The following PPP3R1 variants were observed in gnomAD, a reference collection of about 807,000 sequenced individuals.
The protein encoded by PPP3R1 is calcineurin subunit B type 1.
Under a neutral mutation model 22.6 loss-of-function variants are expected in PPP3R1, and 5 were observed. The observed-to-expected ratio is 0.22, with a 90% CI of 0.12 to 0.46. The LOEUF (loss-of-function observed/expected upper bound fraction) is 0.46, where lower values mean the gene tolerates loss of function less well. PPP3R1 is among the 20% of genes least tolerant of loss of function. PPP3R1 has a pLI of 0.99. For synonymous variants in PPP3R1, 56 were observed against 65.2 expected (o/e 0.86, Z 0.68); for missense variants, 61 against 203.2 (o/e 0.30, Z 4.25).
Position 68,180,999 on chromosome 2 carries a change from G to A in PPP3R1, c.477C>T (p.Gly159=). The A allele has an allele frequency of 1.2e-6, 2 of 1,613,350 alleles. No homozygotes were observed. The highest frequency in any genetic ancestry group is 1.7e-6 in the Non-Finnish European group (2 of 1,179,392). The change falls in exon 6 of 6, where the codon GGC becomes GGT. Residue 159 remains glycine, a synonymous_variant. Transcript: ENST00000234310. ...CCACCATCTTTTTGTGGATATCTAG[G>A]CCACCTACAACCTGCAACAGACAGG... The part of the protein sequence containing the change: ...SFEEFCAVVG[G]LDIHKKMVVD...
chr2:68,198,259 ATACATACATATGTG>A (rs1362624453), intron 2 of PPP3R1, among the ~76,000 whole-genome samples: 1 of 146,828 alleles, frequency 6.8e-6, no homozygotes, highest in African/African-American at 2.5e-5. Flanking sequence ...ATACATATGT[ATACATACATATGTG>A]TATGCATGTA....
chr2:68,186,390 G>A (rs1674547096), intron 5 of PPP3R1, 78 bp downstream of exon 5: 1 of 1,368,676 alleles, frequency 7.3e-7, no homozygotes, highest in South Asian at 1.5e-5. Flanking sequence ...GACAAAATAT[G>A]GAAATTCTCT....
Position 68,202,792 on chromosome 2 carries a change from A to ATTTTTTTTTTTTTTTTT in PPP3R1, c.44-14119_44-14103dup, listed in dbSNP as rs71395958. On this transcript the variant is annotated intron_variant, in intron 2 of 5. Transcript: ENST00000234310. ...TAATATATACTAGAGAGTTCAGGGA[A>ATTTTTTTTTTTTTTTTT]TTTTTTTTTTTTTTTTTTTTTTTTT... Among the ~76,000 whole-genome samples, 20 of 81,212 alleles carry ATTTTTTTTTTTTTTTTT rather than the reference A, an allele frequency of 2.5e-4. 3 individuals are homozygous for ATTTTTTTTTTTTTTTTT. The highest frequency in any genetic ancestry group is 1.2e-3 in the African/African-American group (19 of 16,166). The allele number at this position is 81,212 out of a possible 152,430, so 53.3% of individuals were successfully genotyped here. A position where few individuals can be genotyped will look rare whatever the true frequency, so the allele number is the denominator to read the frequency against.
At position 68,217,021 on chromosome 2, in the gene PPP3R1, C is replaced by CAA; in HGVS notation, c.43+70_43+71insTT. Reference sequence around the variant, plus strand: ...ATTACAGAGGTATGATACACACACACACACACACACACACACACAGAGAGA... The same window carrying CAA: ...ATTACAGAGGTATGATACACACACACAAACACACACACACACACACAGAGAGA... On this transcript the variant is annotated intron_variant, in intron 2 of 5. Transcript: ENST00000234310. 4 of 1,072,760 alleles carry CAA rather than the reference C, an allele frequency of 3.7e-6. No individual in the cohort carries two copies. In the South Asian group the frequency reaches 4.5e-5, roughly 12 times the overall value. 66.5% of individuals were successfully genotyped at this position (1,072,760 alleles called of 1,614,324 possible).
At position 68,185,036 on chromosome 2, in the gene PPP3R1, T is replaced by C. The variant is rs546353022; in HGVS notation, c.465+1432A>G. On this transcript the variant is annotated intron_variant, in intron 5 of 5. Coordinates refer to ENST00000234310, the MANE Select transcript of PPP3R1 (RefSeq NM_000945.4). ...AAGATCGAGACCATCCTGGCCAACA[T>C]GGTGAAACTCCATCTCTATTAAAAA... Among the ~76,000 whole-genome samples, 600 of 152,118 alleles carry C rather than the reference T, an allele frequency of 3.9e-3. 2 individuals carry two copies. The highest frequency in any genetic ancestry group is 7.0e-3 in the Non-Finnish European group (473 of 67,968).
At chr2:68,240,204 G>A (rs1254128044) in intron 1 of PPP3R1, among the ~76,000 whole-genome samples, 4 of 152,086 alleles carry the variant, frequency 2.6e-5, no homozygotes, top group African/African-American at 7.2e-5. Flanking sequence ...TCAGTCAATC[G>A]CAGGCAACCA....
intron 1 of PPP3R1, among the ~76,000 whole-genome samples, chr2:68,239,886 AC>A (rs1302039343): frequency 6.6e-6 from 1 of 152,194 alleles, no homozygotes; most frequent in African/African-American, 2.4e-5. Flanking sequence ...ATGGTCGCTA[AC>A]TTAAAGCGGT....
intron 5 of PPP3R1, among the ~76,000 whole-genome samples, chr2:68,182,794 T>C (rs1458457992): frequency 6.6e-6 from 1 of 152,090 alleles, no homozygotes; most frequent in Non-Finnish European, 1.5e-5. Context: ...AACAGAACTA[T>C]GTATTATGAT....
At chr2:68,251,414 T>C (rs1670348318) in intron 1 of PPP3R1, among the ~76,000 whole-genome samples, 1 of 151,962 alleles carries the variant, frequency 6.6e-6, no homozygotes, top group Non-Finnish European at 1.5e-5. Flanking sequence ...GCATGAAAAA[T>C]TAAGCGCCCC....
intron 2 of PPP3R1, among the ~76,000 whole-genome samples, chr2:68,205,849 C>T (rs1032618291): frequency 3.2e-4 from 49 of 151,184 alleles, no homozygotes; most frequent in African/African-American, 1.0e-3. Flanking sequence ...GAGGGGGTTT[C>T]GCTCTTGTTG....
chr2:68,208,239 G>C (rs12618045), intron 2 of PPP3R1, among the ~76,000 whole-genome samples: 150,782 of 152,376 alleles, frequency 0.99, 74,606 homozygotes, highest in Middle Eastern at 1. Context: ...TAACTTCTGT[G>C]TAGACCATAT....
intron 2 of PPP3R1, among the ~76,000 whole-genome samples, chr2:68,189,212 AC>A (rs1318348474): frequency 2.0e-5 from 3 of 150,182 alleles, no homozygotes; most frequent in African/African-American, 7.3e-5. Context: ...CTCCCTTCCC[AC>A]CCCGAGATAT....
intron 1 of PPP3R1, chr2:68,251,156 C>T (rs1259446451): frequency 6.6e-6 from 1 of 152,212 alleles, no homozygotes; most frequent in African/African-American, 2.4e-5. Context: ...ACTAGGGCTT[C>T]CCCGAGCGAG....
At chr2:68,228,105 T>C (rs1308447132) in intron 1 of PPP3R1, among the ~76,000 whole-genome samples, 1 of 152,178 alleles carries the variant, frequency 6.6e-6, no homozygotes, top group Non-Finnish European at 1.5e-5. Context: ...AGATGTTCTT[T>C]ATTCAACTGA....
intron 5 of PPP3R1, among the ~76,000 whole-genome samples, chr2:68,181,237 C>G (rs1008538494): frequency 3.1e-4 from 47 of 151,892 alleles, no homozygotes; most frequent in African/African-American, 1.1e-3. Flanking sequence ...TAAAAAAATA[C>G]AAAAACTTAG....
At chr2:68,238,131 T>C (rs962371746) in intron 1 of PPP3R1, among the ~76,000 whole-genome samples, 6 of 152,012 alleles carry the variant, frequency 3.9e-5, no homozygotes, top group Non-Finnish European at 8.8e-5. Context: ...GTCTCCCTAG[T>C]CCTAGATGAC....
At chr2:68,215,831 T>C (rs969751716) in intron 2 of PPP3R1, among the ~76,000 whole-genome samples, 5 of 151,632 alleles carry the variant, frequency 3.3e-5, no homozygotes, top group Admixed American at 2.0e-4. Flanking sequence ...GGGGAAAGAG[T>C]AGAGTAGATA....
intron 2 of PPP3R1, among the ~76,000 whole-genome samples, chr2:68,190,872 G>A (rs565494095): frequency 6.6e-6 from 1 of 152,290 alleles, no homozygotes; most frequent in African/African-American, 2.4e-5. Context: ...TACCTTAAAA[G>A]AAGCACAAGT....
chr2:68,252,445 G>C lies in PPP3R1; in HGVS notation c.-318C>G. 1 of 990,936 alleles carries C rather than the reference G, an allele frequency of 1.0e-6. No homozygotes were observed. Among genetic ancestry groups the C allele is most frequent in the Non-Finnish European group, 1.2e-6 (1 of 834,256 alleles). 61.4% of individuals were successfully genotyped at this position (990,936 alleles called of 1,614,324 possible). A position where few individuals can be genotyped will look rare whatever the true frequency, so the allele number is the denominator to read the frequency against. On this transcript the variant is annotated 5_prime_UTR_variant, in exon 1 of 6. Transcript: ENST00000234310. ...GGGGAGAGGGGGCGAAGACGGCCGG[G>C]AAACTCGGGGGCTGCAGCCTCGCGC... is the stretch of plus-strand genomic sequence containing the variant.
Sources: gnomAD v4.1 joint callset for allele counts (sites outside exome capture counted in the v4.1 genomes callset) on GRCh38, gnomAD v4.1.1 for gene constraint, MANE v1.5 for transcripts, NCBI Gene and HGNC (gene_info 2026-07-23, HGNC 2026-07-21) for gene names.